RBFOX1: variants seen among roughly 807,000 people sequenced by gnomAD.
The protein encoded by RBFOX1 is RNA binding protein fox-1 homolog 1.
A neutral mutation model predicts 57.7 loss-of-function variants in RBFOX1; 8 were observed. The observed-to-expected ratio is 0.14, with a 90% CI of 0.08 to 0.25. The LOEUF is 0.25. RBFOX1 is among the 10% of genes least tolerant of loss of function. The pLI is 1.00. For synonymous variants in RBFOX1, 326 were observed against 222.4 expected (o/e 1.47, Z -4.15); for missense variants, 611 against 548.5 (o/e 1.11, Z -1.14).
chr16:5,399,056 T>A (rs1427566590), intron 1 of RBFOX1, among the ~76,000 whole-genome samples: 1 of 152,208 alleles, frequency 6.6e-6, no homozygotes, highest in Non-Finnish European at 1.5e-5. Context: ...TCCAGACCCC[T>A]TCTTAACTTG....
rs1257484217 is a variant in RBFOX1 at position 7,315,228 on chromosome 16, AG to A, written c.28-202914del. 8.5e-5 allele frequency among the ~76,000 whole-genome samples: 13 copies of A among 152,234 alleles called. No individual in the cohort carries two copies. The South Asian group carries it at 2.3e-3, about 27-fold the overall frequency. ...CAACAGAAGACAGAGTAGGAGTTTG[AG>A]GGGGTAAAACAGAATATTTAGAAAA... is the stretch of plus-strand genomic sequence containing the variant. On this transcript the variant is annotated intron_variant, in intron 4 of 15. Coordinates refer to ENST00000550418, the MANE Select transcript of RBFOX1 (RefSeq NM_018723.4).
chr16:6,884,888 G>C (rs997490885), intron 3 of RBFOX1, among the ~76,000 whole-genome samples: 2 of 152,066 alleles, frequency 1.3e-5, no homozygotes, highest in Admixed American at 6.6e-5. Context: ...GCAGAGCAAG[G>C]CTCTCTTTCA....
chr16:7,163,912 A>G (rs1340663310), intron 4 of RBFOX1, among the ~76,000 whole-genome samples: 1 of 152,130 alleles, frequency 6.6e-6, no homozygotes, highest in Non-Finnish European at 1.5e-5. Flanking sequence ...CATCCACTTC[A>G]GCCTCCCAAA....
Position 6,322,062 on chromosome 16 carries a change from C to A in RBFOX1, c.-64+5005C>A, listed in dbSNP as rs938982550. On this transcript the variant is annotated intron_variant, in intron 2 of 15. Coordinates refer to ENST00000550418, the MANE Select transcript of RBFOX1 (RefSeq NM_018723.4). ...CTCAGTCCCAAGCCTTAGTTACTAA[C>A]ATTGTCTTTGTTTTTCATCCGCCAC... Among the ~76,000 whole-genome samples the A allele has an allele frequency of 9.9e-5, 15 of 152,176 alleles. 2 individuals carry two copies. Among genetic ancestry groups the A allele is most frequent in the Admixed American group, 9.2e-4 (14 of 15,272 alleles).
intron 1 of RBFOX1, among the ~76,000 whole-genome samples, chr16:6,048,665 C>T (rs997724184): frequency 3.3e-5 from 5 of 152,092 alleles, no homozygotes; most frequent in Non-Finnish European, 5.9e-5. Flanking sequence ...ATACTGTGAC[C>T]TTCAGTGGCC....
intron 5 of RBFOX1, among the ~76,000 whole-genome samples, chr16:7,535,100 C>T (rs375981416): frequency 3.0e-4 from 45 of 152,198 alleles, no homozygotes; most frequent in African/African-American, 1.1e-3. Flanking sequence ...TTTTATTAAC[C>T]GCTTTTATAT....
At chr16:7,683,718 G>A (rs2075429599) in intron 14 of RBFOX1, among the ~76,000 whole-genome samples, 1 of 152,058 alleles carries the variant, frequency 6.6e-6, no homozygotes, top group Non-Finnish European at 1.5e-5. Flanking sequence ...CTTTTCAGTA[G>A]CAGCATCAGA....
chr16:5,848,135 G>A (rs889069209), intron 3 of RBFOX1, among the ~76,000 whole-genome samples: 2 of 152,014 alleles, frequency 1.3e-5, no homozygotes, highest in African/African-American at 2.4e-5. Flanking sequence ...AAGTGAAAAT[G>A]GCATACAAAC....
chr16:7,642,174 A>G (rs1353999208), intron 11 of RBFOX1, among the ~76,000 whole-genome samples: 6 of 152,116 alleles, frequency 3.9e-5, no homozygotes. Flanking sequence ...GGACTGGTGG[A>G]CCACTCCTGG....
At chr16:6,888,606 A>T (rs1228771419) in intron 3 of RBFOX1, among the ~76,000 whole-genome samples, 1 of 151,936 alleles carries the variant, frequency 6.6e-6, no homozygotes, top group African/African-American at 2.4e-5. Context: ...TGCATTTTAG[A>T]GGTCTTTTGG....
chr16:5,958,887 G>A (rs1179241194), intron 4 of RBFOX1, among the ~76,000 whole-genome samples: 1 of 152,146 alleles, frequency 6.6e-6, no homozygotes, highest in African/African-American at 2.4e-5. Flanking sequence ...CCTTGAGATT[G>A]CAACTCTAGG....
At chr16:6,739,057 G>T (rs1380398252) in intron 3 of RBFOX1, among the ~76,000 whole-genome samples, 3 of 152,010 alleles carry the variant, frequency 2.0e-5, no homozygotes, top group Non-Finnish European at 2.9e-5. Context: ...AATCAATAAT[G>T]TAAGCTCCTA....
At chr16:7,456,935 A>G (rs2058640074) in intron 4 of RBFOX1, among the ~76,000 whole-genome samples, 1 of 151,654 alleles carries the variant, frequency 6.6e-6, no homozygotes, top group Non-Finnish European at 1.5e-5. Flanking sequence ...CTTGTTGCCC[A>G]GGCTGAGTGC....
At chr16:6,821,350 A>G (rs1451609901) in intron 3 of RBFOX1, among the ~76,000 whole-genome samples, 1 of 152,158 alleles carries the variant, frequency 6.6e-6, no homozygotes, top group East Asian at 1.9e-4. Context: ...AAATTGGAAA[A>G]CTAGTCTAGT....
chr16:5,617,094 A>ACTCCCTCCTTCC lies in RBFOX1; in HGVS notation c.318+18142_318+18153dup, dbSNP rs558302811. On this transcript the variant is annotated intron_variant, in intron 3 of 19. Coordinates refer to the RBFOX1 transcript ENST00000641259. ...GATCTAGCCATCCATTCCCTCCCTC[A>ACTCCCTCCTTCC]CTCCCTCCTTCCCTCCCTCCGTCCG... Among the ~76,000 whole-genome samples, 907 of 148,444 alleles carry ACTCCCTCCTTCC rather than the reference A, an allele frequency of 6.1e-3. 6 individuals carry two copies. The highest frequency in any genetic ancestry group is 0.021 in the African/African-American group (859 of 40,126).
At chr16:6,766,107 C>A (rs74684057) in intron 3 of RBFOX1, among the ~76,000 whole-genome samples, 8,150 of 151,678 alleles carry the variant, frequency 0.054, 549 homozygotes, top group East Asian at 0.28. Flanking sequence ...CAAAACTAAC[C>A]TGTAACCCTA....
At chr16:7,443,919 C>A (rs959880660) in intron 4 of RBFOX1, among the ~76,000 whole-genome samples, 1 of 152,182 alleles carries the variant, frequency 6.6e-6, no homozygotes, top group Non-Finnish European at 1.5e-5. Context: ...TTCTGTATTC[C>A]TTTGTTGCCT....
At chr16:6,882,321 T>G (rs2063115929) in intron 3 of RBFOX1, among the ~76,000 whole-genome samples, 1 of 152,186 alleles carries the variant, frequency 6.6e-6, no homozygotes, top group African/African-American at 2.4e-5. Context: ...CCTTGTTGTT[T>G]GCAATTCTGG....
At chr16:5,439,482 G>C (rs562511827) in intron 1 of RBFOX1, among the ~76,000 whole-genome samples, 3 of 152,142 alleles carry the variant, frequency 2.0e-5, no homozygotes, top group East Asian at 3.9e-4. Context: ...GAGAGGTTTG[G>C]ACTGGGTGGA....
Sources: allele counts gnomAD v4.1 joint callset (sites outside exome capture counted in the v4.1 genomes callset), GRCh38; gene constraint gnomAD v4.1.1; transcripts MANE v1.5; gene names NCBI Gene and HGNC (gene_info 2026-07-23, HGNC 2026-07-21).